Variants in CFDP1 observed in about 807,000 individuals in gnomAD.
The protein encoded by CFDP1 is heterochromatin-stabilizing protein CFDP1.
CFDP1 carries 31 observed loss-of-function variants against 40.1 expected under a neutral mutation model. That is an observed-to-expected ratio of 0.77 (90% confidence interval 0.58 to 1.04). The LOEUF is 1.04. Ranked by LOEUF, CFDP1 falls within the 50% of genes least tolerant of loss-of-function variation. The pLI is 0.00. For synonymous variants in CFDP1, 167 were observed against 120.0 expected (o/e 1.39, Z -2.56); for missense variants, 423 against 343.4 (o/e 1.23, Z -1.83).
At chr16:75,373,356 G>A (rs1005953674) in intron 5 of CFDP1, among the ~76,000 whole-genome samples, 1 of 152,124 alleles carries the variant, frequency 6.6e-6, no homozygotes, top group African/African-American at 2.4e-5. Flanking sequence ...CCCACAAAAT[G>A]ACTGGCCTTA....
rs1597393318 is a variant in CFDP1, at chr16:75,410,599, C to T, written c.530+1226G>A. Reference sequence around the variant, plus strand: ...CCAGTCTGGCCAACATGGTGAAACCCTGTCTCTACTAAAACTACAAAAAAA... The same window carrying T: ...CCAGTCTGGCCAACATGGTGAAACCTTGTCTCTACTAAAACTACAAAAAAA... On this transcript the variant is annotated intron_variant, in intron 4 of 6. Transcript: ENST00000283882. Among the ~76,000 whole-genome samples the T allele has an allele frequency of 2.0e-5, 3 of 151,984 alleles. No individual in the cohort carries two copies. The South Asian group carries it at 6.2e-4, about 32-fold the overall frequency.
chr16:75,363,001 C>A (rs1347747987), intron 5 of CFDP1: 3 of 152,066 alleles, frequency 2.0e-5, no homozygotes, highest in Non-Finnish European at 4.4e-5. Context: ...AGATACTTGT[C>A]TTCTGATGAC....
intron 5 of CFDP1, among the ~76,000 whole-genome samples, chr16:75,352,806 A>G (rs1033649844): frequency 1.3e-5 from 2 of 152,188 alleles, no homozygotes; most frequent in African/African-American, 2.4e-5. Flanking sequence ...TTTGTGTTAC[A>G]TGATCCTAGT....
chr16:75,380,820 C>T (rs905799355), intron 5 of CFDP1, among the ~76,000 whole-genome samples: 2 of 152,080 alleles, frequency 1.3e-5, no homozygotes, highest in Non-Finnish European at 2.9e-5. Context: ...CTTTTTAAAA[C>T]CAGGTCATAT....
At position 75,412,690 on chromosome 16, in the gene CFDP1, C is replaced by T; in HGVS notation, c.247G>A (p.Glu83Lys). Reference sequence around the variant, plus strand: ...TCTTCCTCCTCACTACTGCTTCCCTCAGATTCTGAATTGGCATCCTCCTCT... The same window carrying T: ...TCTTCCTCCTCACTACTGCTTCCCTTAGATTCTGAATTGGCATCCTCCTCT... ...EEEEDANSES[E>K]GSSSEEEDDA... Residue 83 changes from glutamate to lysine, a missense_variant, in exon 3 of 7, where the codon GAG (glutamate) becomes AAG (lysine). By Grantham distance (56) the Glu-to-Lys change is moderately conservative (BLOSUM62 1). Coordinates refer to ENST00000283882, the MANE Select transcript of CFDP1 (RefSeq NM_006324.3). 1 of 1,614,130 alleles carries T rather than the reference C, an allele frequency of 6.2e-7. No individual in the cohort carries two copies. The highest frequency in any genetic ancestry group is 8.5e-7 in the Non-Finnish European group (1 of 1,180,036).
At chr16:75,338,873 G>A (rs113733921) in intron 5 of CFDP1, among the ~76,000 whole-genome samples, 11 of 152,074 alleles carry the variant, frequency 7.2e-5, no homozygotes, top group African/African-American at 1.2e-4. Context: ...ATCCTCTTGC[G>A]TGTTACCAGA....
At chr16:75,376,902 G>A (rs117539402) in intron 5 of CFDP1, among the ~76,000 whole-genome samples, 3,073 of 152,264 alleles carry the variant, frequency 0.02, 45 homozygotes, top group Non-Finnish European at 0.026. Flanking sequence ...TGCATAAACT[G>A]CCCCTTAATC....
At chr16:75,368,063 C>T (rs909998187) in intron 5 of CFDP1, among the ~76,000 whole-genome samples, 1 of 152,080 alleles carries the variant, frequency 6.6e-6, no homozygotes, top group African/African-American at 2.4e-5. Flanking sequence ...AAGATCGCAC[C>T]GTGCCCTCTG....
At chr16:75,424,399 G>GA (rs1203440924) in intron 1 of CFDP1, among the ~76,000 whole-genome samples, 1 of 152,194 alleles carries the variant, frequency 6.6e-6, no homozygotes, top group Admixed American at 6.5e-5. Context: ...CGGCATCTGT[G>GA]AAAAACCTAT....
chr16:75,343,199 T>C (rs1012026392), intron 5 of CFDP1, among the ~76,000 whole-genome samples: 1 of 152,208 alleles, frequency 6.6e-6, no homozygotes, highest in South Asian at 2.1e-4. Flanking sequence ...AAGGCTCTAC[T>C]ACATGACACT....
At chr16:75,306,782 G>T (rs1445409971) in intron 5 of CFDP1, among the ~76,000 whole-genome samples, 3 of 152,030 alleles carry the variant, frequency 2.0e-5, no homozygotes, top group African/African-American at 7.2e-5. Context: ...TTGCTTAAGA[G>T]AACTCCAAAT....
chr16:75,411,876 GTTTC>G lies in CFDP1; in HGVS notation c.475_478del (p.Glu159GlnfsTer17), dbSNP rs770375725. On this transcript the variant is annotated frameshift_variant, in exon 4 of 7. Coordinates refer to ENST00000283882, the MANE Select transcript of CFDP1 (RefSeq NM_006324.3). LOFTEE classifies it high-confidence loss of function. ...CACCTTGGTGATTTTAACTTTTTCT[GTTTC>G]TTTAGGTTTCTCTAGCTCTTCTGCT... 11 of 1,612,274 alleles carry G rather than the reference GTTTC, an allele frequency of 6.8e-6. No individual in the cohort carries two copies. The highest frequency in any genetic ancestry group is 9.3e-6 in the Non-Finnish European group (11 of 1,179,528).
chr16:75,382,190 C>A (rs1462256553), intron 5 of CFDP1, among the ~76,000 whole-genome samples: 3 of 151,454 alleles, frequency 2.0e-5, no homozygotes, highest in Admixed American at 2.0e-4. Context: ...GATAGAGTAC[C>A]ATAATTAGAT....
chr16:75,421,158 C>G (rs921199031), intron 1 of CFDP1, among the ~76,000 whole-genome samples: 2 of 152,146 alleles, frequency 1.3e-5, no homozygotes, highest in African/African-American at 2.4e-5. Context: ...GGAGCCCGGC[C>G]CCTCTTCTTC....
At chr16:75,425,270 C>G (rs1400332642) in intron 1 of CFDP1, among the ~76,000 whole-genome samples, 1 of 151,578 alleles carries the variant, frequency 6.6e-6, no homozygotes, top group Non-Finnish European at 1.5e-5. Flanking sequence ...GTCTGTAGTA[C>G]CAGCTACACA....
At chr16:75,369,978 C>T (rs1010710556) in intron 5 of CFDP1, among the ~76,000 whole-genome samples, 25 of 152,086 alleles carry the variant, frequency 1.6e-4, no homozygotes, top group African/African-American at 5.8e-4. Flanking sequence ...TTCACCATGT[C>T]GTCCAGGCTG....
intron 5 of CFDP1, among the ~76,000 whole-genome samples, chr16:75,377,074 T>G (rs1229446117): frequency 6.6e-6 from 1 of 152,232 alleles, no homozygotes; most frequent in Non-Finnish European, 1.5e-5. Flanking sequence ...CAGCTAGCTC[T>G]TGAATTACTT....
chr16:75,430,521 G>T (rs11641587), intron 1 of CFDP1, among the ~76,000 whole-genome samples: 78,251 of 151,534 alleles, frequency 0.52, 21,252 homozygotes, highest in Admixed American at 0.64. Flanking sequence ...CTGGAGTGCA[G>T]AAGCATGATC....
At chr16:75,339,759 C>A (rs1475896322) in intron 5 of CFDP1, among the ~76,000 whole-genome samples, 1 of 152,296 alleles carries the variant, frequency 6.6e-6, no homozygotes, top group South Asian at 2.1e-4. Context: ...TTGGGGCATA[C>A]ATGTGATGCA....
Sources: gnomAD v4.1 joint callset for allele counts (sites outside exome capture counted in the v4.1 genomes callset) on GRCh38, gnomAD v4.1.1 for gene constraint, MANE v1.5 for transcripts, NCBI Gene and HGNC (gene_info 2026-07-23, HGNC 2026-07-21) for gene names.